The following CLCN5 variants were observed in gnomAD, a reference collection of about 807,000 sequenced individuals.
CLCN5 encodes H(+)/Cl(-) exchange transporter 5.
CLCN5 carries 17 observed loss-of-function variants against 54.0 expected under a neutral mutation model. The ratio of observed to expected loss-of-function variants is 0.31; its 90% CI spans 0.22 to 0.47. The LOEUF is 0.47. CLCN5 is among the 20% of genes least tolerant of loss of function. The pLI, the probability that CLCN5 is intolerant of heterozygous loss-of-function variation, is 1.00. For missense variants in CLCN5, 448 were observed against 646.7 expected, an observed-to-expected ratio of 0.69 and a Z score of 3.33; for synonymous variants, 222 against 233.0, an observed-to-expected ratio of 0.95 and a Z score of 0.43.
At chrX:50,050,621 A>AAAT (rs1932545889) in intron 4 of CLCN5, among the ~76,000 whole-genome samples, 1 of 105,417 alleles carries the variant, frequency 9.5e-6, no homozygotes. Flanking sequence ...TATATTTTGT[A>AAAT]AATGTCTTAT....
chrX:49,941,341 T>A (rs1259429062), intron 3 of CLCN5, among the ~76,000 whole-genome samples: 1 of 110,900 alleles, frequency 9.0e-6, no homozygotes, highest in Non-Finnish European at 1.9e-5. Context: ...ACATGGTGAG[T>A]ACTCATAAAT....
intron 3 of CLCN5, among the ~76,000 whole-genome samples, chrX:50,011,865 TC>T (rs1248126698): frequency 8.9e-6 from 1 of 111,742 alleles, no homozygotes; most frequent in Admixed American, 9.5e-5. Context: ...TCAGTCCTGT[TC>T]CCCCTCTTGA....
chrX:49,942,172 CT>C (rs1926384734), intron 3 of CLCN5, among the ~76,000 whole-genome samples: 3 of 125 alleles, frequency 0.024, no homozygotes, highest in Admixed American at 0.14. Context: ...GAGTGGCATT[CT>C]TGTTGAATTA....
At chrX:50,066,828 C>T (rs1023487867) in intron 4 of CLCN5, among the ~76,000 whole-genome samples, 1 of 112,232 alleles carries the variant, frequency 8.9e-6, no homozygotes, top group African/African-American at 3.2e-5. Context: ...TCTGGGTTTT[C>T]AAAGTGATGA....
chrX:49,925,884 C>G (rs781812870), intron 3 of CLCN5, among the ~76,000 whole-genome samples: 13 of 112,552 alleles, frequency 1.2e-4, no homozygotes, highest in Non-Finnish European at 2.2e-4. Flanking sequence ...TTACATCTCT[C>G]ATGAACTTGT....
At position 49,949,315 on chromosome X, in the gene CLCN5, C is replaced by T. The variant is rs72619064; in HGVS notation, c.16+24001C>T. Among the ~76,000 whole-genome samples the T allele has an allele frequency of 2.3e-4, 26 of 111,777 alleles. No individual in the cohort carries two copies. In the East Asian group the frequency reaches 7.3e-3, roughly 31 times the overall value. Reference sequence around the variant, plus strand: ...TCCCTACCATGAAGAATTATCTGACCCAAGATATCAGTAATGCTGAAGTTG... The same window carrying T: ...TCCCTACCATGAAGAATTATCTGACTCAAGATATCAGTAATGCTGAAGTTG... On this transcript the variant is annotated intron_variant, in intron 3 of 14. Coordinates refer to ENST00000376091, the MANE Select transcript of CLCN5 (RefSeq NM_001127898.4).
chrX:50,008,231 C>G (rs1215066151), intron 3 of CLCN5, among the ~76,000 whole-genome samples: 1 of 112,278 alleles, frequency 8.9e-6, no homozygotes, highest in Non-Finnish European at 1.9e-5. Context: ...TTTCACACTC[C>G]TCTCTCCTCC....
At chrX:49,940,666 C>A (rs1476342342) in intron 3 of CLCN5, among the ~76,000 whole-genome samples, 1 of 112,123 alleles carries the variant, frequency 8.9e-6, no homozygotes, top group South Asian at 3.7e-4. Flanking sequence ...AAGAATATAG[C>A]ATTTTGGCTA....
intron 3 of CLCN5, among the ~76,000 whole-genome samples, chrX:50,036,612 G>A (rs1557186560): frequency 8.9e-6 from 1 of 111,862 alleles, no homozygotes; most frequent in East Asian, 2.8e-4. Context: ...ATGACTACAG[G>A]ACACATTCCA....
intron 3 of CLCN5, among the ~76,000 whole-genome samples, chrX:50,038,969 A>G (rs1932105931): frequency 9.0e-6 from 1 of 111,470 alleles, no homozygotes; most frequent in African/African-American, 3.3e-5. Context: ...GCTAACAGTG[A>G]GTCATTCTAC....
chrX:50,037,137 C>T (rs1195840927), intron 3 of CLCN5, among the ~76,000 whole-genome samples: 3 of 111,728 alleles, frequency 2.7e-5, no homozygotes, highest in Non-Finnish European at 5.6e-5. Flanking sequence ...TTCCCTTGTC[C>T]TGCTATTAAG....
intron 9 of CLCN5, among the ~76,000 whole-genome samples, chrX:50,083,009 A>G (rs1933759153): frequency 9.0e-6 from 1 of 111,230 alleles, no homozygotes; most frequent in Non-Finnish European, 1.9e-5. Context: ...CTTTTTTAAA[A>G]AAAAGTTCCA....
chrX:50,089,342 C>G (rs1348933088), intron 12 of CLCN5, among the ~76,000 whole-genome samples: 1 of 111,461 alleles, frequency 9.0e-6, no homozygotes. Context: ...GCAGAATGTT[C>G]CCAACATAAA....
rs369687094 is a variant in CLCN5 at position 50,090,747 on chromosome X, C to T, written c.2221C>T (p.Pro741Ser). 9.9e-6 allele frequency: 12 copies of T among 1,210,710 alleles called. No individual in the cohort carries two copies. The highest frequency in any genetic ancestry group is 1.8e-5 in the South Asian group (1 of 56,867). The change falls in exon 14 of 15, where the codon CCA (proline) becomes TCA (serine). Residue 741 changes from proline (P) to serine (S), a missense_variant. By Grantham distance (74) the Pro-to-Ser change is moderately conservative. Coordinates refer to ENST00000376091, the MANE Select transcript of CLCN5 (RefSeq NM_001127898.4). ...YFTEHSPPLP[P>S]YTPPTLKLRN... ...CACGGAGCATTCTCCTCCATTGCCA[C>T]CATACACTCCACCCACTCTAAAGCT...
At chrX:50,015,304 A>AG (rs1930731511) in intron 3 of CLCN5, among the ~76,000 whole-genome samples, 1 of 110,222 alleles carries the variant, frequency 9.1e-6, no homozygotes, top group African/African-American at 3.3e-5. Context: ...ACATTCATGA[A>AG]GATTTACACT....
chrX:50,072,154 C>G (rs1933240274), intron 5 of CLCN5, among the ~76,000 whole-genome samples: 1 of 111,769 alleles, frequency 8.9e-6, no homozygotes, highest in Non-Finnish European at 1.9e-5. Context: ...AAACTATTTG[C>G]TGTGAGTCAA....
At chrX:50,071,201 G>GTTGTC (rs1396229796) in intron 5 of CLCN5, among the ~76,000 whole-genome samples, 1 of 110,815 alleles carries the variant, frequency 9.0e-6, no homozygotes, top group African/African-American at 3.3e-5. Flanking sequence ...CAGGAGTCAG[G>GTTGTC]TTGTCCCAAG....
intron 3 of CLCN5, among the ~76,000 whole-genome samples, chrX:49,931,434 T>G (rs897152688): frequency 8.9e-6 from 1 of 112,130 alleles, no homozygotes; most frequent in Non-Finnish European, 1.9e-5. Flanking sequence ...TATCATGGAT[T>G]GTTAATTTTA....
chrX:50,090,825 G>A lies in CLCN5; in HGVS notation c.2299G>A (p.Glu767Lys). The A allele has an allele frequency of 8.3e-7, 1 of 1,211,477 alleles. No individual in the cohort carries two copies. The highest frequency in any genetic ancestry group is 1.1e-6 in the Non-Finnish European group (1 of 895,391). Residue 767 changes from glutamate (E) to lysine (K), a missense_variant, in exon 14 of 15, where the codon GAG becomes AAG. By Grantham distance (56) the Glu-to-Lys change is moderately conservative. Transcript: ENST00000376091. Reference sequence around the variant, plus strand: ...CACTGTGACTGACCTTACACCCATGGAGATCGTAGTGGATATTTTCCGAAA... The same window carrying A: ...CACTGTGACTGACCTTACACCCATGAAGATCGTAGTGGATATTTTCCGAAA... ...PFTVTDLTPM[E>K]IVVDIFRKLG... is the part of the protein sequence containing the mutation.
Sources: allele counts gnomAD v4.1 joint callset (sites outside exome capture counted in the v4.1 genomes callset), GRCh38; gene constraint gnomAD v4.1.1; transcripts MANE v1.5; gene names NCBI Gene and HGNC (gene_info 2026-07-23, HGNC 2026-07-21).